HMCN2: variants seen among roughly 807,000 people sequenced by gnomAD.
The protein encoded by HMCN2 is hemicentin 2.
HMCN2 carries 325 observed loss-of-function variants against 377.5 expected under a neutral mutation model. The ratio of observed to expected loss-of-function variants is 0.86; its 90% confidence interval spans 0.79 to 0.94. The LOEUF is 0.94. Ranked by LOEUF, HMCN2 falls within the 40% of genes least tolerant of loss-of-function variation. The pLI, the probability that HMCN2 is intolerant of heterozygous loss-of-function variation, is 0.00. For synonymous variants in HMCN2, 2,007 were observed against 2,046.8 expected (o/e 0.98, Z 0.53); for missense variants, 4,543 against 4,725.3 (o/e 0.96, Z 1.13).
chr9:130,366,113 C>T (rs540079924), intron 43 of HMCN2, 118 bp downstream of exon 43: 4 of 771,804 alleles, frequency 5.2e-6, no homozygotes, highest in East Asian at 1.3e-4. Flanking sequence ...TCTTATACCT[C>T]GAGGGGGTGG....
At chr9:130,372,993 C>CCCA (rs1554959677) in intron 47 of HMCN2, 45 bp from the exon 48 acceptor site, 2 of 142,066 alleles carry the variant, frequency 1.4e-5, no homozygotes, top group Non-Finnish European at 3.1e-5. Context: ...GGCCAGCCCC[C>CCCA]CCCCCCACCC....
At chr9:130,319,120 G>T (rs1017686215) in intron 15 of HMCN2, among the ~76,000 whole-genome samples, 4 of 152,140 alleles carry the variant, frequency 2.6e-5, no homozygotes, top group African/African-American at 9.7e-5. Flanking sequence ...TAGAAATGAA[G>T]GCTCACCCTC....
At chr9:130,335,786 G>A (rs1470469913) in intron 22 of HMCN2, among the ~76,000 whole-genome samples, 2 of 152,108 alleles carry the variant, frequency 1.3e-5, no homozygotes, top group African/African-American at 4.8e-5. Context: ...TCAAAGACCC[G>A]CACCCATCTG....
chr9:130,314,320 C>T (rs1837426900), intron 15 of HMCN2, among the ~76,000 whole-genome samples: 1 of 152,162 alleles, frequency 6.6e-6, no homozygotes, highest in Admixed American at 6.5e-5. Context: ...TGGCAGAAGG[C>T]CCTGCACTTG....
chr9:130,331,433 C>A (rs1355277998), intron 22 of HMCN2, among the ~76,000 whole-genome samples: 2 of 152,186 alleles, frequency 1.3e-5, no homozygotes, highest in Non-Finnish European at 2.9e-5. Context: ...GTTGCAAATT[C>A]AAAATTGAAG....
chr9:130,363,651 G>A (rs1418183590), intron 40 of HMCN2, among the ~76,000 whole-genome samples: 7 of 151,810 alleles, frequency 4.6e-5, no homozygotes, highest in Non-Finnish European at 5.9e-5. Context: ...GTGAAACCCC[G>A]TCTCTACTAA....
At chr9:130,358,275 G>C in intron 35 of HMCN2, 115 bp from the exon 36 acceptor site, 1 of 1,209,142 alleles carries the variant, frequency 8.3e-7, no homozygotes, top group Non-Finnish European at 1.1e-6. Context: ...AGAGCCAAAA[G>C]TGTCCCCATG....
intron 66 of HMCN2, among the ~76,000 whole-genome samples, chr9:130,392,761 C>T (rs1488955668): frequency 2.6e-5 from 4 of 152,106 alleles, no homozygotes; most frequent in Admixed American, 2.6e-4. Context: ...CTTTGGGAGG[C>T]CAAGGCGGGC....
rs2131725337 is a variant in HMCN2, at chr9:130,403,800, G to A, written c.12073G>A (p.Asp4025Asn). The change falls in exon 80 of 98, where the codon GAT becomes AAT. Residue 4025 changes from aspartate (D) to asparagine (N), a missense_variant. Coordinates refer to ENST00000683500, the MANE Select transcript of HMCN2 (RefSeq NM_001291815.2). ...QLRIAHASPE[D>N]AGNYLCIAKN... ...GCGGATTGCCCATGCCAGCCCAGAG[G>A]ATGCTGGAAACTATCTCTGCATCGC... is the stretch of plus-strand genomic sequence containing the variant. 1 of 1,289,828 alleles carries A rather than the reference G, an allele frequency of 7.8e-7. No homozygotes were observed. Among genetic ancestry groups the A allele is most frequent in the Non-Finnish European group, 1.0e-6 (1 of 988,866 alleles). The allele number at this position is 1,289,828 out of a possible 1,614,324, so 79.9% of individuals were successfully genotyped here.
At chr9:130,364,241 C>T (rs1423789610) in intron 40 of HMCN2, among the ~76,000 whole-genome samples, 1 of 152,218 alleles carries the variant, frequency 6.6e-6, no homozygotes, top group African/African-American at 2.4e-5. Context: ...AGTGGCATCC[C>T]CAGGGCCTCG....
rs558642282 is a variant in HMCN2, at chr9:130,431,121, G to A, written c.14648-246G>A. The A allele has an allele frequency of 1.3e-3, 719 of 572,028 alleles. 18 individuals are homozygous for A. In the South Asian group the frequency reaches 0.014, roughly 11 times the overall value. 35.4% of individuals were successfully genotyped at this position (572,028 alleles called of 1,614,324 possible). A position where few individuals can be genotyped will look rare whatever the true frequency, so the allele number is the denominator to read the frequency against. On this transcript the variant is annotated intron_variant, in intron 95 of 97. Transcript: ENST00000683500. ...TTCCCGCCTGGACGGAGGGGTCTGC[G>A]GGGTGGTGCTGCTTGCTCCTTCTAT...
chr9:130,375,404 C>T (rs999243652), intron 49 of HMCN2, among the ~76,000 whole-genome samples, 159 bp from the exon 50 acceptor site: 2 of 152,338 alleles, frequency 1.3e-5, no homozygotes, highest in South Asian at 4.1e-4. Context: ...TCAAGCCTGG[C>T]CACCCCGGGC....
chr9:130,358,759 C>T (rs868273861), intron 36 of HMCN2, among the ~76,000 whole-genome samples: 2 of 152,048 alleles, frequency 1.3e-5, no homozygotes, highest in Non-Finnish European at 2.9e-5. Context: ...CCGCAAGCTC[C>T]GCCTGCCGGG....
At chr9:130,293,279 GTTTTTT>G (rs71387339) in intron 4 of HMCN2, among the ~76,000 whole-genome samples, 1 of 57,126 alleles carries the variant, frequency 1.8e-5, no homozygotes, top group Non-Finnish European at 2.7e-5. Flanking sequence ...ACTCACTAAA[GTTTTTT>G]TTTTTTTTTT....
At chr9:130,412,865 G>A (rs1843502751) in intron 85 of HMCN2, among the ~76,000 whole-genome samples, 1 of 152,136 alleles carries the variant, frequency 6.6e-6, no homozygotes, top group Non-Finnish European at 1.5e-5. Flanking sequence ...AGGAGCCACT[G>A]GGCCCTACAT....
intron 22 of HMCN2, among the ~76,000 whole-genome samples, chr9:130,331,243 T>G (rs1220912643): frequency 6.6e-6 from 1 of 152,008 alleles, no homozygotes; most frequent in East Asian, 1.9e-4. Context: ...GGCACGGCCA[T>G]GTTGCCAGCT....
At chr9:130,366,991 T>C (rs1840725970) in intron 43 of HMCN2, among the ~76,000 whole-genome samples, 1 of 152,122 alleles carries the variant, frequency 6.6e-6, no homozygotes, top group African/African-American at 2.4e-5. Flanking sequence ...TGGCCAGGAA[T>C]GCTCGACCAA....
Position 130,375,847 on chromosome 9 carries a change from G to T in HMCN2, c.7805-29G>T, listed in dbSNP as rs60742961. The T allele has an allele frequency of 4.5e-4, 443 of 984,308 alleles. 5 individuals are homozygous for T. In the African/African-American group the frequency reaches 7.4e-3, roughly 16 times the overall value. 61.0% of individuals were successfully genotyped at this position (984,308 alleles called of 1,614,324 possible). ...GCCTGGCATGAGGCTGCAGATTTGG[G>T]GTGACCCTGGCCACTGGCCCCCACA... On this transcript the variant is annotated intron_variant, in intron 50 of 97. Transcript: ENST00000683500.
chr9:130,429,612 G>T lies in HMCN2; in HGVS notation c.14253G>T (p.Glu4751Asp), dbSNP rs563646425. 1.7e-5 allele frequency: 26 copies of T among 1,550,114 alleles called. No individual in the cohort carries two copies. Among genetic ancestry groups the T allele is most frequent in the Non-Finnish European group, 2.3e-5 (26 of 1,146,810 alleles). The stretch of plus-strand genomic sequence containing the variant: ...ACTGTCACTACAACCAGCTCTGCGA[G>T]AACACCCCAGGCGGTCACCGCTGCA... ...LDDCHYNQLC[E>D]NTPGGHRCSC... Residue 4751 changes from glutamate to aspartate, a missense_variant, in exon 94 of 98, where the codon GAG (glutamate) becomes GAT (aspartate). This residue lies in a region of HMCN2 where 1,155 missense variants were observed against 1,157.7 expected (regional missense o/e 1.00). Coordinates refer to ENST00000683500, the MANE Select transcript of HMCN2 (RefSeq NM_001291815.2).
Sources: gnomAD v4.1 joint callset for allele counts (sites outside exome capture counted in the v4.1 genomes callset) on GRCh38, gnomAD v4.1.1 for gene constraint, gnomAD v4.1.1 regional missense constraint, MANE v1.5 for transcripts, NCBI Gene and HGNC (gene_info 2026-07-23, HGNC 2026-07-21) for gene names.